The following SEMA6D variants were observed in gnomAD, a reference collection of about 807,000 sequenced individuals.
The protein encoded by SEMA6D is semaphorin 6D, also known as semaphorin-6D.
SEMA6D carries 35 observed loss-of-function variants against 106.6 expected under a neutral mutation model. That is an observed-to-expected ratio of 0.33 (90% CI 0.25 to 0.44). The LOEUF is 0.44. Among genes scored for constraint, SEMA6D ranks in the 20% least tolerant of loss-of-function variants. SEMA6D has a pLI of 1.00. For synonymous variants in SEMA6D, 499 were observed against 487.7 expected, an observed-to-expected ratio of 1.02 and a Z score of -0.31; for missense variants, 1,185 against 1,345.9, an observed-to-expected ratio of 0.88 and a Z score of 1.87.
At chr15:47,277,985 A>G (rs931674690) in intron 1 of SEMA6D, among the ~76,000 whole-genome samples, 6 of 152,022 alleles carry the variant, frequency 3.9e-5, no homozygotes, top group East Asian at 3.9e-4. Flanking sequence ...GTGTATATGT[A>G]CCACATTTTC....
At chr15:47,532,410 G>A (rs900525911) in intron 3 of SEMA6D, among the ~76,000 whole-genome samples, 7 of 152,184 alleles carry the variant, frequency 4.6e-5, no homozygotes, top group East Asian at 1.9e-4. Flanking sequence ...GGTTTGCACC[G>A]TTATTCATCT....
chr15:47,292,547 G>A (rs2142857145), intron 1 of SEMA6D, among the ~76,000 whole-genome samples: 2 of 152,216 alleles, frequency 1.3e-5, no homozygotes, highest in African/African-American at 2.4e-5. Flanking sequence ...AAGAAAGCTT[G>A]TTAACCATGG....
At chr15:47,534,824 C>T (rs1394157848) in intron 3 of SEMA6D, among the ~76,000 whole-genome samples, 1 of 152,086 alleles carries the variant, frequency 6.6e-6, no homozygotes, top group Non-Finnish European at 1.5e-5. Flanking sequence ...TCTAACACAG[C>T]ACTGCCTCTC....
At chr15:47,741,533 G>A (rs2080815136) in intron 1 of SEMA6D, among the ~76,000 whole-genome samples, 1 of 152,084 alleles carries the variant, frequency 6.6e-6, no homozygotes, top group Admixed American at 6.5e-5. Flanking sequence ...CCTGACCAAC[G>A]TGGAGAAACC....
At chr15:47,582,282 C>T (rs970389804) in intron 3 of SEMA6D, among the ~76,000 whole-genome samples, 2 of 152,132 alleles carry the variant, frequency 1.3e-5, no homozygotes, top group Non-Finnish European at 1.5e-5. Flanking sequence ...ACATGAGACA[C>T]GAGGCATGAG....
intron 1 of SEMA6D, among the ~76,000 whole-genome samples, chr15:47,255,254 G>C (rs2033743891): frequency 6.6e-6 from 1 of 151,936 alleles, no homozygotes; most frequent in Non-Finnish European, 1.5e-5. Context: ...ATAGTCTCTT[G>C]TGATCGTTGT....
chr15:47,715,829 C>G (rs1418895979), upstream of SEMA6D, among the ~76,000 whole-genome samples: 1 of 152,200 alleles, frequency 6.6e-6, no homozygotes, highest in Admixed American at 6.5e-5. Flanking sequence ...AACTCAAGAG[C>G]TTTCTGTCTC....
intron 18 of SEMA6D, 51 bp from the exon 19 acceptor site, chr15:47,770,446 T>A (rs935099752): frequency 7.0e-7 from 1 of 1,436,284 alleles, no homozygotes; most frequent in Non-Finnish European, 9.4e-7. Flanking sequence ...TGCTATTTAT[T>A]ATTATTTTTA....
chr15:47,386,950 C>T (rs895432209), intron 1 of SEMA6D, among the ~76,000 whole-genome samples: 5 of 152,210 alleles, frequency 3.3e-5, no homozygotes, highest in African/African-American at 9.6e-5. Context: ...GTGGCAACGA[C>T]GCTGCCCCTG....
At chr15:47,447,902 G>T (rs897787706) in intron 2 of SEMA6D, among the ~76,000 whole-genome samples, 2 of 152,136 alleles carry the variant, frequency 1.3e-5, no homozygotes, top group Non-Finnish European at 2.9e-5. Flanking sequence ...TGCCCAGCTG[G>T]TATCTGCTAA....
Position 47,759,817 on chromosome 15 carries a change from T to C in SEMA6D, c.19T>C (p.Cys7Arg), listed in dbSNP as rs756295787. The C allele has an allele frequency of 6.2e-7, 1 of 1,613,794 alleles. No individual in the cohort carries two copies. The highest frequency in any genetic ancestry group is 1.1e-5 in the South Asian group (1 of 91,084). Reference protein sequence around the residue: MRVFLLCAYILLLMVSQ... With the variant: MRVFLLRAYILLLMVSQ... ...GCCCACCATGAGGGTCTTCCTGCTT[T>C]GTGCCTACATACTGCTGCTGATGGT... Residue 7 changes from cysteine to arginine, a missense_variant, in exon 2 of 19, where the codon TGT becomes CGT. Physicochemically the swap from Cys to Arg is radical, Grantham distance 180 (BLOSUM62 -3). This residue lies in a region of SEMA6D where 144 missense variants were observed against 138.6 expected (regional missense o/e 1.04). Transcript: ENST00000536845.
At chr15:47,450,041 G>A (rs1005475887) in intron 2 of SEMA6D, among the ~76,000 whole-genome samples, 3 of 152,118 alleles carry the variant, frequency 2.0e-5, no homozygotes, top group African/African-American at 7.2e-5. Context: ...GTACATAGGG[G>A]ATAGTTGGGC....
chr15:47,531,100 G>A (rs898357135), intron 3 of SEMA6D, among the ~76,000 whole-genome samples: 1 of 152,080 alleles, frequency 6.6e-6, no homozygotes, highest in Non-Finnish European at 1.5e-5. Context: ...TGCCTTTAAT[G>A]TAACCAAAAC....
intron 1 of SEMA6D, among the ~76,000 whole-genome samples, chr15:47,224,284 T>C (rs2031465854): frequency 6.6e-6 from 1 of 152,070 alleles, no homozygotes; most frequent in Non-Finnish European, 1.5e-5. Context: ...TTGAATGTTA[T>C]GTCTTTGGTG....
chr15:47,321,417 T>C (rs911770906), intron 1 of SEMA6D, among the ~76,000 whole-genome samples: 2 of 152,202 alleles, frequency 1.3e-5, no homozygotes, highest in Non-Finnish European at 2.9e-5. Flanking sequence ...TTATTGTTTG[T>C]CTACAGAGTG....
chr15:47,301,692 C>G (rs545252802), intron 1 of SEMA6D, among the ~76,000 whole-genome samples: 1 of 152,336 alleles, frequency 6.6e-6, no homozygotes, highest in East Asian at 1.9e-4. Context: ...CCACTCTCTG[C>G]CAGGTGATTT....
At chr15:47,761,833 A>G (rs542717415) in intron 7 of SEMA6D, 82 bp downstream of exon 7, 2 of 1,147,242 alleles carry the variant, frequency 1.7e-6, no homozygotes, top group African/African-American at 1.5e-5. Context: ...GTAAAAGTTA[A>G]TAACTTGGAT....
chr15:47,600,113 TA>T lies in SEMA6D; in HGVS notation c.-86-751del, dbSNP rs555127669. ...TCTAGCCCAAGTTGAAACATGTGCA[TA>T]TTTAAAATGTAGAATAAATGCTTTT... is the stretch of plus-strand genomic sequence containing the variant. On this transcript the variant is annotated intron_variant, in intron 3 of 19. Transcript: ENST00000558014. Among the ~76,000 whole-genome samples, 717 of 152,274 alleles carry T rather than the reference TA, an allele frequency of 4.7e-3. 10 individuals carry two copies. The highest frequency in any genetic ancestry group is 0.016 in the African/African-American group (679 of 41,574).
intron 3 of SEMA6D, among the ~76,000 whole-genome samples, chr15:47,494,741 G>GATATATATATATAT (rs202139404): frequency 1.5e-4 from 5 of 32,986 alleles, no homozygotes; most frequent in Admixed American, 4.0e-4. Flanking sequence ...GTGGGATGGA[G>GATATATATATATAT]ATATATATAT....
Sources: allele counts gnomAD v4.1 joint callset (sites outside exome capture counted in the v4.1 genomes callset), GRCh38; gene constraint gnomAD v4.1.1; regional missense constraint gnomAD v4.1.1; transcripts MANE v1.5; gene names NCBI Gene and HGNC (gene_info 2026-07-23, HGNC 2026-07-21).